The following CPNE1 variants were observed in gnomAD, a reference collection of about 807,000 sequenced individuals.
CPNE1 encodes the protein copine 1, also known as copine-1.
CPNE1 carries 58 observed loss-of-function variants against 63.2 expected under a neutral mutation model. That is an observed-to-expected ratio of 0.92 (90% CI 0.74 to 1.14). The LOEUF is 1.14. CPNE1 is among the 50% of genes most tolerant of loss of function. CPNE1 has a pLI of 0.00. For synonymous variants in CPNE1, 237 were observed against 249.0 expected, an observed-to-expected ratio of 0.95 and a Z score of 0.45; for missense variants, 672 against 661.7, an observed-to-expected ratio of 1.02 and a Z score of -0.17.
intron 1 of CPNE1, chr20:35,654,837 C>G (rs781367173): frequency 6.2e-7 from 1 of 1,614,060 alleles, no homozygotes; most frequent in Non-Finnish European, 8.5e-7. Context: ...AGGAAGCCCC[C>G]ATATTTGGAG....
intron 1 of CPNE1, among the ~76,000 whole-genome samples, chr20:35,655,857 T>A (rs572828919): frequency 6.6e-6 from 1 of 152,320 alleles, no homozygotes; most frequent in Non-Finnish European, 1.5e-5. Flanking sequence ...AGCAAAAAAC[T>A]AGAATACTAA....
chr20:35,626,430 AGTCT>A, intron 15 of CPNE1, 49 bp from the exon 16 acceptor site: 1 of 1,608,666 alleles, frequency 6.2e-7, no homozygotes, highest in Non-Finnish European at 8.5e-7. Flanking sequence ...AGCTGCCCAA[AGTCT>A]GTATTTCATG....
chr20:35,643,329 T>A (rs1380045686), intron 1 of CPNE1: 1 of 152,414 alleles, frequency 6.6e-6, no homozygotes, highest in Non-Finnish European at 1.5e-5. Flanking sequence ...GTCAAGGATA[T>A]ACGAGTGCTC....
rs10542710 is a variant in CPNE1, at chr20:35,658,802, AACACACACAC to A, written c.-1+5948_-1+5957del. On this transcript the variant is annotated intron_variant, in intron 1 of 15. Transcript: ENST00000397443. ...TCAAAACAAAAAACAAGCAAACAAA[AACACACACAC>A]ACACACACACACACACACACACACA... 324 of 473,536 alleles carry A rather than the reference AACACACACAC, an allele frequency of 6.8e-4. 2 individuals carry two copies. Among genetic ancestry groups the A allele is most frequent in the East Asian group, 2.1e-3 (53 of 25,618 alleles). 29.3% of individuals were successfully genotyped at this position (473,536 alleles called of 1,614,324 possible).
chr20:35,655,182 A>C, intron 1 of CPNE1: 1 of 1,614,222 alleles, frequency 6.2e-7, no homozygotes, highest in Non-Finnish European at 8.5e-7. Flanking sequence ...CATCAGTGGC[A>C]AAAACGATGA....
rs2032133276 is a variant in CPNE1 at position 35,631,475 on chromosome 20, G to C, written c.714+17C>G. 1.2e-6 allele frequency: 2 copies of C among 1,612,738 alleles called. No individual in the cohort carries two copies. The highest frequency in any genetic ancestry group is 3.3e-5 in the Admixed American group (2 of 59,968). ...ATCTAGGCCCATTTCCACACCCCTG[G>C]CAAGACCAGCACTCACCGGGACTGC... On this transcript the variant is annotated intron_variant, in intron 8 of 15. Transcript: ENST00000397443.
At chr20:35,645,712 A>T (rs1045800111) in intron 1 of CPNE1, among the ~76,000 whole-genome samples, 2 of 152,238 alleles carry the variant, frequency 1.3e-5, no homozygotes, top group Non-Finnish European at 2.9e-5. Flanking sequence ...ATCAGTAATT[A>T]GTAGTTGCAT....
intron 13 of CPNE1, among the ~76,000 whole-genome samples, chr20:35,629,091 T>C (rs529967222): frequency 6.7e-4 from 102 of 152,144 alleles, no homozygotes; most frequent in African/African-American, 2.4e-3. Flanking sequence ...CACACACACA[T>C]ATACACACAC....
At chr20:35,633,418 G>T (rs1446249448) in intron 1 of CPNE1, among the ~76,000 whole-genome samples, 1 of 152,140 alleles carries the variant, frequency 6.6e-6, no homozygotes, top group East Asian at 1.9e-4. Flanking sequence ...TAACCCTGGG[G>T]ATCTAACTCT....
chr20:35,630,619 A>C, intron 12 of CPNE1, 122 bp downstream of exon 12: 1 of 1,459,112 alleles, frequency 6.9e-7, no homozygotes, highest in East Asian at 2.3e-5. Context: ...ACGTGCCTGC[A>C]GGAATCCAAC....
At chr20:35,641,936 CA>C (rs1443832811) in intron 1 of CPNE1, among the ~76,000 whole-genome samples, 1 of 152,216 alleles carries the variant, frequency 6.6e-6, no homozygotes, top group Admixed American at 6.5e-5. Context: ...CCAACTGTTA[CA>C]TATCAGGAAA....
At chr20:35,645,542 A>G (rs1035453393) in intron 1 of CPNE1, among the ~76,000 whole-genome samples, 3 of 152,204 alleles carry the variant, frequency 2.0e-5, no homozygotes, top group Admixed American at 2.0e-4. Context: ...CCAAAGTATA[A>G]GTGCTGGGTG....
intron 1 of CPNE1, chr20:35,652,879 GCACTTCCAAGACCAGGAGGGC>G (rs2033627418): frequency 2.5e-6 from 4 of 1,613,216 alleles, no homozygotes; most frequent in Non-Finnish European, 3.4e-6. Context: ...ATGCCCAGGG[GCACTTCCAAGACCAGGAGGGC>G]CACTTCCAAA....
intron 1 of CPNE1, chr20:35,652,833 G>A (rs777081604): frequency 3.1e-6 from 5 of 1,606,670 alleles, no homozygotes; most frequent in Non-Finnish European, 4.3e-6. Flanking sequence ...CGGGGCCGGG[G>A]CCGGGGCCAG....
intron 1 of CPNE1, chr20:35,658,833 AC>A (rs2034063844): frequency 1.2e-5 from 8 of 645,100 alleles, no homozygotes; most frequent in African/African-American, 3.7e-5. Flanking sequence ...ACACACACAC[AC>A]ACACAATATA....
At chr20:35,641,453 A>G (rs985451392) in intron 1 of CPNE1, among the ~76,000 whole-genome samples, 11 of 152,218 alleles carry the variant, frequency 7.2e-5, no homozygotes, top group African/African-American at 2.7e-4. Context: ...TAGCCACAAT[A>G]ATGACATACT....
chr20:35,659,034 GA>G (rs1204591338), intron 1 of CPNE1: 1 of 714,632 alleles, frequency 1.4e-6, no homozygotes, highest in Non-Finnish European at 2.6e-6. Flanking sequence ...AGAATAAACG[GA>G]GGCAAAAATC....
chr20:35,639,676 G>C (rs1476427027), intron 1 of CPNE1, among the ~76,000 whole-genome samples: 1 of 152,182 alleles, frequency 6.6e-6, no homozygotes, highest in South Asian at 2.1e-4. Context: ...CCTCCCCCTG[G>C]TAAGAGGTTG....
intron 1 of CPNE1, chr20:35,653,723 T>G: frequency 5.0e-6 from 8 of 1,614,216 alleles, no homozygotes; most frequent in African/African-American, 1.3e-5. Context: ...CCCTCTGGAT[T>G]TAGTATCATT....
Sources: allele counts gnomAD v4.1 joint callset (sites outside exome capture counted in the v4.1 genomes callset), GRCh38; gene constraint gnomAD v4.1.1; transcripts MANE v1.5; gene names NCBI Gene and HGNC (gene_info 2026-07-23, HGNC 2026-07-21).